ECT2L: variants seen among roughly 807,000 people sequenced by gnomAD.
The protein encoded by ECT2L is epithelial cell transforming 2 like.
Under a neutral mutation model 122.8 loss-of-function variants are expected in ECT2L, and 126 were observed. The observed-to-expected ratio is 1.03, with a 90% CI of 0.89 to 1.19. The LOEUF is 1.19. Ranked by LOEUF, ECT2L falls within the 50% of genes most tolerant of loss-of-function variation. The pLI is 0.00. For synonymous variants in ECT2L, 385 were observed against 381.8 expected (o/e 1.01, Z -0.10); for missense variants, 1,012 against 1,064.1 (o/e 0.95, Z 0.68).
rs1775332500 is a variant in ECT2L at position 138,796,139 on chromosome 6, G to A, written c.-297G>A. The stretch of plus-strand genomic sequence containing the variant: ...TGGCGCACTCGATTTTCACTGCGCG[G>A]TTCCAAGAGGAGACAGCCGCCACTG... On this transcript the variant is annotated 5_prime_UTR_variant, in exon 1 of 22. Transcript: ENST00000541398. 6.6e-6 allele frequency: 1 copy of A among 152,610 alleles called. No homozygotes were observed. Among genetic ancestry groups the A allele is most frequent in the South Asian group, 2.1e-4 (1 of 4,838 alleles). 9.5% of individuals were successfully genotyped at this position (152,610 alleles called of 1,614,324 possible).
chr6:138,861,012 G>C (rs540912198), intron 10 of ECT2L, among the ~76,000 whole-genome samples: 1 of 152,178 alleles, frequency 6.6e-6, no homozygotes, highest in South Asian at 2.1e-4. Context: ...GTTTGCTGGG[G>C]ATGATGGCTT....
In ECT2L at chr6:138,902,797, C is replaced by A; in HGVS notation, c.*170C>A. On this transcript the variant is annotated 3_prime_UTR_variant, in exon 22 of 22. Transcript: ENST00000541398. Reference sequence around the variant, plus strand: ...ACTTTTAAACTTTATCACTTGTGCTCACTTATGTAGAATGTATAAGTACAT... The same window carrying A: ...ACTTTTAAACTTTATCACTTGTGCTAACTTATGTAGAATGTATAAGTACAT... 1.3e-6 allele frequency: 1 copy of A among 764,360 alleles called. No homozygotes were observed. The highest frequency in any genetic ancestry group is 2.0e-6 in the Non-Finnish European group (1 of 488,310). 47.3% of individuals were successfully genotyped at this position (764,360 alleles called of 1,614,324 possible). A position where few individuals can be genotyped will look rare whatever the true frequency, so the allele number is the denominator to read the frequency against.
intron 4 of ECT2L, among the ~76,000 whole-genome samples, chr6:138,820,198 T>C (rs1007076747): frequency 6.6e-6 from 1 of 152,188 alleles, no homozygotes; most frequent in African/African-American, 2.4e-5. Context: ...AAATTCATCA[T>C]GATCACTGCC....
At chr6:138,835,335 G>A (rs1776794445) in intron 4 of ECT2L, among the ~76,000 whole-genome samples, 1 of 152,080 alleles carries the variant, frequency 6.6e-6, no homozygotes, top group African/African-American at 2.4e-5. Flanking sequence ...GATCGCTTGA[G>A]CTTAAGAGTT....
At chr6:138,887,582 T>C (rs1350219242) in intron 19 of ECT2L, among the ~76,000 whole-genome samples, 11 of 152,314 alleles carry the variant, frequency 7.2e-5, no homozygotes, top group Admixed American at 2.0e-4. Context: ...TTCTGCACCC[T>C]GATGGTATCT....
intron 13 of ECT2L, among the ~76,000 whole-genome samples, chr6:138,875,708 C>T (rs1000700027): frequency 1.3e-5 from 2 of 152,236 alleles, no homozygotes; most frequent in African/African-American, 4.8e-5. Context: ...GTTTATGACA[C>T]ATTTTCACTT....
rs757090517 is a variant in ECT2L at position 138,862,712 on chromosome 6, C to G, written c.1284C>G (p.Tyr428Ter). 19 of 1,613,854 alleles carry G rather than the reference C, an allele frequency of 1.2e-5. No individual in the cohort carries two copies. Among genetic ancestry groups the G allele is most frequent in the Middle Eastern group, 3.3e-4 (2 of 6,082 alleles). ...CCACTGGGATTGCAACTGGCTCTTA[C>G]CAGCACAGTAAGTGTTATGGGAGCT... ...TAPTGIATGS[Y>*]QHILSDWLGS... Residue 428 changes from tyrosine to a stop codon, truncating the protein, a stop_gained, in exon 11 of 22, where the codon TAC becomes TAG. Coordinates refer to ENST00000541398, the MANE Select transcript of ECT2L (RefSeq NM_001077706.3). LOFTEE classifies it high-confidence loss of function.
chr6:138,824,912 T>C (rs1390259935), intron 4 of ECT2L, among the ~76,000 whole-genome samples: 1 of 152,172 alleles, frequency 6.6e-6, no homozygotes, highest in African/African-American at 2.4e-5. Flanking sequence ...CCACATCAAC[T>C]CATTGGCCCT....
At chr6:138,840,066 C>G (rs992978558) in intron 5 of ECT2L, among the ~76,000 whole-genome samples, 9 of 152,052 alleles carry the variant, frequency 5.9e-5, no homozygotes, top group African/African-American at 2.2e-4. Flanking sequence ...GTACTATATA[C>G]TGTATTCTTC....
At chr6:138,854,353 G>A (rs1777546381) in intron 10 of ECT2L, among the ~76,000 whole-genome samples, 199 bp downstream of exon 10, 1 of 152,134 alleles carries the variant, frequency 6.6e-6, no homozygotes, top group Non-Finnish European at 1.5e-5. Flanking sequence ...TGTCTCTACA[G>A]AAATACGGTC....
At chr6:138,835,594 T>A (rs574559124) in intron 4 of ECT2L, among the ~76,000 whole-genome samples, 3 of 152,158 alleles carry the variant, frequency 2.0e-5, no homozygotes, top group African/African-American at 7.2e-5. Context: ...TAGCTAACAT[T>A]TTACCATTTT....
intron 20 of ECT2L, among the ~76,000 whole-genome samples, chr6:138,894,320 G>T (rs952230109): frequency 6.6e-6 from 1 of 152,110 alleles, no homozygotes; most frequent in African/African-American, 2.4e-5. Context: ...CTCCCAAAGT[G>T]CTGGGATTAC....
chr6:138,821,488 G>T (rs141663562), intron 4 of ECT2L, among the ~76,000 whole-genome samples: 1 of 152,072 alleles, frequency 6.6e-6, no homozygotes, highest in East Asian at 1.9e-4. Flanking sequence ...GATTAGACTC[G>T]TTTAGGCCCA....
intron 18 of ECT2L, 50 bp downstream of exon 18, chr6:138,885,880 T>C (rs1778805319): frequency 1.9e-6 from 3 of 1,555,196 alleles, no homozygotes; most frequent in Admixed American, 3.7e-5. Context: ...ACAATGCCTT[T>C]GTGGTACTCC....
At position 138,796,201 on chromosome 6, in the gene ECT2L, C is replaced by G. The variant is rs897711950; in HGVS notation, c.-244+9C>G. 5 of 152,262 alleles carry G rather than the reference C, an allele frequency of 3.3e-5. No individual in the cohort carries two copies. The highest frequency in any genetic ancestry group is 3.3e-4 in the Admixed American group (5 of 15,288). 9.4% of individuals were successfully genotyped at this position (152,262 alleles called of 1,614,324 possible). On this transcript the variant is annotated intron_variant, in intron 1 of 21. Coordinates refer to ENST00000541398, the MANE Select transcript of ECT2L (RefSeq NM_001077706.3). ...ATAGCCACTTCCTAGAGGTAAAGCC[C>G]GTGGCTTCTGAGCCGCTAGTCTTTT...
intron 10 of ECT2L, among the ~76,000 whole-genome samples, chr6:138,854,415 A>G (rs1172232820): frequency 1.3e-5 from 2 of 152,176 alleles, no homozygotes; most frequent in East Asian, 1.9e-4. Flanking sequence ...GGAAAACACA[A>G]TAACACCAGT....
chr6:138,888,066 A>T (rs185840656), intron 19 of ECT2L, among the ~76,000 whole-genome samples: 1 of 152,342 alleles, frequency 6.6e-6, no homozygotes, highest in Non-Finnish European at 1.5e-5. Context: ...TCAATTGATT[A>T]GAAATGTTAT....
At chr6:138,886,610 G>A (rs1778830006) in intron 18 of ECT2L, among the ~76,000 whole-genome samples, 1 of 151,656 alleles carries the variant, frequency 6.6e-6, no homozygotes, top group Non-Finnish European at 1.5e-5. Context: ...TAGAGATGAG[G>A]TTTCACCACT....
At chr6:138,829,323 A>C (rs1776571966) in intron 4 of ECT2L, among the ~76,000 whole-genome samples, 2 of 152,216 alleles carry the variant, frequency 1.3e-5, no homozygotes, top group African/African-American at 4.8e-5. Flanking sequence ...TCTTATAAGT[A>C]TCTTATAAGG....
Sources: allele counts gnomAD v4.1 joint callset (sites outside exome capture counted in the v4.1 genomes callset), GRCh38; gene constraint gnomAD v4.1.1; transcripts MANE v1.5; gene names NCBI Gene and HGNC (gene_info 2026-07-23, HGNC 2026-07-21).